Variants in NEGR1 observed in about 807,000 individuals in gnomAD.
NEGR1 encodes the protein IgLON family member 4.
A neutral mutation model predicts 40.9 loss-of-function variants in NEGR1; 10 were observed. That is an observed-to-expected ratio of 0.24 (90% CI 0.15 to 0.42). The LOEUF is 0.42. Among genes scored for constraint, NEGR1 ranks in the 10% least tolerant of loss-of-function variants. The pLI, the probability that NEGR1 is intolerant of heterozygous loss-of-function variation, is 1.00. For synonymous variants in NEGR1, 185 were observed against 166.8 expected, an observed-to-expected ratio of 1.11 and a Z score of -0.84; for missense variants, 352 against 438.9, an observed-to-expected ratio of 0.80 and a Z score of 1.77.
chr1:71,692,969 G>A (rs1653344067), intron 4 of NEGR1, among the ~76,000 whole-genome samples: 1 of 151,710 alleles, frequency 6.6e-6, no homozygotes, highest in African/African-American at 2.4e-5. Flanking sequence ...TGACTTTCAT[G>A]AGTAAAAATT....
intron 1 of NEGR1, among the ~76,000 whole-genome samples, chr1:71,972,321 T>C (rs2100321011): frequency 6.6e-6 from 1 of 152,316 alleles, no homozygotes; most frequent in South Asian, 2.1e-4. Context: ...GATATTTCAC[T>C]ATCCCCACCT....
At chr1:71,639,097 T>C (rs1412797241) in intron 4 of NEGR1, among the ~76,000 whole-genome samples, 1 of 151,826 alleles carries the variant, frequency 6.6e-6, no homozygotes, top group African/African-American at 2.4e-5. Flanking sequence ...ACACATTGAT[T>C]TTCTCTGCCA....
At chr1:72,060,338 C>T (rs74597793) in intron 1 of NEGR1, among the ~76,000 whole-genome samples, 3 of 151,724 alleles carry the variant, frequency 2.0e-5, no homozygotes, top group Non-Finnish European at 4.4e-5. Context: ...CGTACTATTG[C>T]TCTGAATTAG....
At chr1:71,667,680 T>C (rs1041757568) in intron 4 of NEGR1, among the ~76,000 whole-genome samples, 7 of 152,210 alleles carry the variant, frequency 4.6e-5, no homozygotes, top group African/African-American at 1.7e-4. Flanking sequence ...CAAATCTTAC[T>C]AAAATTTTTA....
intron 1 of NEGR1, among the ~76,000 whole-genome samples, chr1:71,989,911 A>G (rs1311211349): frequency 6.6e-6 from 1 of 152,154 alleles, no homozygotes; most frequent in African/African-American, 2.4e-5. Flanking sequence ...TAAATCCCAA[A>G]GTAATTCTAA....
chr1:72,084,647 A>G (rs973534048), intron 1 of NEGR1, among the ~76,000 whole-genome samples: 1 of 152,092 alleles, frequency 6.6e-6, no homozygotes, highest in African/African-American at 2.4e-5. Flanking sequence ...CTTAATACTG[A>G]TGTGTTGAGT....
At chr1:71,888,081 G>A (rs994783791) in intron 2 of NEGR1, among the ~76,000 whole-genome samples, 1 of 151,592 alleles carries the variant, frequency 6.6e-6, no homozygotes, top group Non-Finnish European at 1.5e-5. Context: ...TGTCTGAACG[G>A]CTCCATAATT....
chr1:71,501,267 C>G (rs1421944104), intron 6 of NEGR1, among the ~76,000 whole-genome samples: 1 of 152,036 alleles, frequency 6.6e-6, no homozygotes, highest in East Asian at 1.9e-4. Flanking sequence ...ATTTATATTT[C>G]TAAATGATGA....
At chr1:72,124,379 G>A (rs1353783825) in intron 1 of NEGR1, among the ~76,000 whole-genome samples, 2 of 151,730 alleles carry the variant, frequency 1.3e-5, no homozygotes, top group African/African-American at 2.4e-5. Flanking sequence ...GAGTTAAAGA[G>A]AACTGAAAAA....
At chr1:71,948,848 G>A (rs889009872) in intron 1 of NEGR1, among the ~76,000 whole-genome samples, 64 of 152,158 alleles carry the variant, frequency 4.2e-4, no homozygotes, top group African/African-American at 1.4e-3. Context: ...CTTTCTGGCT[G>A]GAGTTGTCTT....
intron 4 of NEGR1, among the ~76,000 whole-genome samples, chr1:71,623,136 A>G (rs1182024060): frequency 6.6e-6 from 1 of 151,896 alleles, no homozygotes; most frequent in African/African-American, 2.4e-5. Context: ...TTCAGGATCT[A>G]GAAAGAAAAA....
chr1:71,797,876 C>A (rs541440549), intron 2 of NEGR1, among the ~76,000 whole-genome samples: 90 of 151,356 alleles, frequency 5.9e-4, no homozygotes, highest in African/African-American at 2.1e-3. Context: ...TCATTTTTAT[C>A]GAATATCTTT....
intron 2 of NEGR1, among the ~76,000 whole-genome samples, chr1:71,873,198 C>A (rs1038731928): frequency 4.8e-5 from 7 of 147,242 alleles, no homozygotes; most frequent in African/African-American, 1.8e-4. Flanking sequence ...CATTTATCTA[C>A]ATGAATAACA....
At chr1:71,975,513 A>G (rs1013284421) in intron 1 of NEGR1, among the ~76,000 whole-genome samples, 2 of 152,252 alleles carry the variant, frequency 1.3e-5, no homozygotes, top group Admixed American at 6.5e-5. Flanking sequence ...TGCAAAATGT[A>G]GAAATCTGTA....
chr1:71,597,928 A>T (rs959808084), intron 5 of NEGR1, among the ~76,000 whole-genome samples: 1 of 151,998 alleles, frequency 6.6e-6, no homozygotes, highest in African/African-American at 2.4e-5. Flanking sequence ...TAAAAAAAAA[A>T]TTCAGCATTG....
chr1:72,060,993 C>T (rs1466969466), intron 1 of NEGR1, among the ~76,000 whole-genome samples: 3 of 151,394 alleles, frequency 2.0e-5, no homozygotes, highest in Non-Finnish European at 4.4e-5. Flanking sequence ...TTTTGCTGAG[C>T]ACAAGTTTTA....
intron 1 of NEGR1, among the ~76,000 whole-genome samples, chr1:72,251,045 A>G (rs1655071141): frequency 6.6e-6 from 1 of 152,176 alleles, no homozygotes; most frequent in Admixed American, 6.5e-5. Context: ...AGTCGAATTC[A>G]CCAGAGGATT....
In NEGR1 at chr1:72,257,321, C is replaced by CAAAAAA. The variant is rs34220734; in HGVS notation, c.176+24992_176+24997dup. 6.6e-3 allele frequency among the ~76,000 whole-genome samples: 376 copies of CAAAAAA among 57,010 alleles called. 17 individuals are homozygous for CAAAAAA. Among genetic ancestry groups the CAAAAAA allele is most frequent in the African/African-American group, 0.022 (327 of 15,166 alleles). The allele number at this position is 57,010 out of a possible 152,430, so 37.4% of individuals were successfully genotyped here. A position where few individuals can be genotyped will look rare whatever the true frequency, so the allele number is the denominator to read the frequency against. On this transcript the variant is annotated intron_variant, in intron 1 of 6. Coordinates refer to ENST00000357731, the MANE Select transcript of NEGR1 (RefSeq NM_173808.3). ...TGGGCGACAGAGCGAGACTCTGTCT[C>CAAAAAA]AAAAAAAAAAAAAAAAAAAAAAAGA...
chr1:72,055,770 G>C (rs1276427922), intron 1 of NEGR1, among the ~76,000 whole-genome samples: 3 of 147,212 alleles, frequency 2.0e-5, no homozygotes, highest in Non-Finnish European at 3.0e-5. Flanking sequence ...ATACTATACT[G>C]TATGTAATCT....
Sources: allele counts gnomAD v4.1 joint callset (sites outside exome capture counted in the v4.1 genomes callset), GRCh38; gene constraint gnomAD v4.1.1; transcripts MANE v1.5; gene names NCBI Gene and HGNC (gene_info 2026-07-23, HGNC 2026-07-21).